Variants in BRCA2 observed in about 807,000 individuals in gnomAD.
The protein encoded by BRCA2 is breast cancer type 2 susceptibility protein.
Under a neutral mutation model 276.7 loss-of-function variants are expected in BRCA2, and 203 were observed. The observed-to-expected ratio is 0.73, with a 90% CI of 0.65 to 0.82. The LOEUF is 0.82. Among genes scored for constraint, BRCA2 ranks in the 40% least tolerant of loss-of-function variants. BRCA2 has a pLI of 0.00. For missense variants in BRCA2, 3,920 were observed against 3,915.0 expected, an observed-to-expected ratio of 1.00 and a Z score of -0.03; for synonymous variants, 1,289 against 1,338.4, an observed-to-expected ratio of 0.96 and a Z score of 0.81.
At chr13:32,357,654 A>G in intron 15 of BRCA2, 88 bp from the exon 16 acceptor site, 1 of 1,408,392 alleles carries the variant, frequency 7.1e-7, no homozygotes. Flanking sequence ...TGGTAAATTC[A>G]GTTTTGGTTT....
chr13:32,390,684 G>T (rs185671040), intron 24 of BRCA2, among the ~76,000 whole-genome samples: 2 of 152,202 alleles, frequency 1.3e-5, no homozygotes, highest in East Asian at 1.9e-4. Flanking sequence ...GCATTTTGTT[G>T]GTTTGGCTGT....
At chr13:32,382,624 G>A (rs567315178) in intron 24 of BRCA2, among the ~76,000 whole-genome samples, 1 of 152,312 alleles carries the variant, frequency 6.6e-6, no homozygotes, top group African/African-American at 2.4e-5. Flanking sequence ...TGGAGGGAAA[G>A]GAGGAATGAT....
At chr13:32,353,692 A>G (rs1362576620) in intron 13 of BRCA2, among the ~76,000 whole-genome samples, 1 of 152,210 alleles carries the variant, frequency 6.6e-6, no homozygotes, top group Non-Finnish European at 1.5e-5. Context: ...CCTGGTAGGA[A>G]TTCATTAAAT....
chr13:32,374,555 C>T (rs1415685235), intron 20 of BRCA2, among the ~76,000 whole-genome samples: 1 of 152,170 alleles, frequency 6.6e-6, no homozygotes, highest in Non-Finnish European at 1.5e-5. Context: ...TTCAACATTC[C>T]ACGGATCTCT....
intron 2 of BRCA2, among the ~76,000 whole-genome samples, chr13:32,316,746 G>C (rs1275134445): frequency 1.3e-5 from 2 of 152,182 alleles, no homozygotes; most frequent in African/African-American, 4.8e-5. Flanking sequence ...CCCTTGACTA[G>C]CAGTAGGAAC....
intron 24 of BRCA2, chr13:32,384,947 T>C: frequency 2.8e-6 from 1 of 356,710 alleles, no homozygotes; most frequent in Non-Finnish European, 5.4e-6. Flanking sequence ...AGAAGCCTGG[T>C]AACCTGGGGC....
intron 10 of BRCA2, among the ~76,000 whole-genome samples, chr13:32,335,039 A>G (rs553244874): frequency 6.6e-6 from 1 of 152,180 alleles, no homozygotes; most frequent in Non-Finnish European, 1.5e-5. Context: ...ATCATAGTTA[A>G]AGCCAATGAA....
At chr13:32,358,426 A>C (rs1320377411) in intron 16 of BRCA2, among the ~76,000 whole-genome samples, 5 of 150,982 alleles carry the variant, frequency 3.3e-5, no homozygotes, top group Non-Finnish European at 7.4e-5. Flanking sequence ...CAGTGAGCCA[A>C]GATTGAGCCA....
chr13:32,348,257 G>C (rs1381729026), intron 13 of BRCA2, among the ~76,000 whole-genome samples: 1 of 150,990 alleles, frequency 6.6e-6, no homozygotes, highest in Non-Finnish European at 1.5e-5. Flanking sequence ...GCACAGAAGA[G>C]AAATGAAGAA....
In BRCA2 at chr13:32,316,435, G is replaced by A. The variant is rs1799943; in HGVS notation, c.-26G>A. ...TCTGTTTTGCAGACTTATTTACCAA[G>A]CATTGGAGGAATATCGTAGGTAAAA... On this transcript the variant is annotated 5_prime_UTR_variant, in exon 2 of 27. Transcript: ENST00000380152. 0.26 allele frequency: 412,334 copies of A among 1,601,606 alleles called. 55,659 individuals are homozygous for A. The highest frequency in any genetic ancestry group is 0.42 in the East Asian group (18,761 of 44,778).
rs1131692129 is a variant in BRCA2, at chr13:32,338,543, A to G, written c.4188A>G (p.Gln1396=). The change falls in exon 11 of 27, where the codon CAA becomes CAG. Residue 1396 remains glutamine, a synonymous_variant. Transcript: ENST00000380152. The part of the protein sequence containing the change: ...DLTFLEVAKA[Q]EACHGNTSNK... ...CTTTTTTGGAAGTTGCGAAAGCTCA[A>G]GAAGCATGTCATGGTAATACTTCAA... is the stretch of plus-strand genomic sequence containing the variant. 1 of 1,603,714 alleles carries G rather than the reference A, an allele frequency of 6.2e-7. No individual in the cohort carries two copies. The highest frequency in any genetic ancestry group is 8.5e-7 in the Non-Finnish European group (1 of 1,176,246).
rs1485534075 is a variant in BRCA2, at chr13:32,354,820, T to C, written c.7008-41T>C. 5 of 1,297,676 alleles carry C rather than the reference T, an allele frequency of 3.9e-6. No individual in the cohort carries two copies. In the East Asian group the frequency reaches 6.9e-5, roughly 18 times the overall value. 80.4% of individuals were successfully genotyped at this position (1,297,676 alleles called of 1,614,324 possible). ...AGGCATATTCCTAAATATTTATATG[T>C]GTACTAGTCAATAAACTTATATATT... On this transcript the variant is annotated intron_variant, in intron 13 of 26. Transcript: ENST00000380152.
In BRCA2 at chr13:32,331,048, T is replaced by C. The variant is rs567889781; in HGVS notation, c.793+18T>C. 8.4e-6 allele frequency: 13 copies of C among 1,545,788 alleles called. No homozygotes were observed. The highest frequency in any genetic ancestry group is 1.7e-4 in the Middle Eastern group (1 of 5,922). ...AAGTCATGGTAAGTCCTCTGTTTAG[T>C]TGAACTACAGGTTTTTTTGTTGTTG... On this transcript the variant is annotated intron_variant, in intron 9 of 26. Coordinates refer to ENST00000380152, the MANE Select transcript of BRCA2 (RefSeq NM_000059.4).
At chr13:32,350,890 G>A (rs761926217) in intron 13 of BRCA2, among the ~76,000 whole-genome samples, 3 of 152,178 alleles carry the variant, frequency 2.0e-5, no homozygotes, top group Non-Finnish European at 2.9e-5. Context: ...CTTCTGGGTC[G>A]TGTGGGGACT....
At chr13:32,343,343 T>TA (rs1004429209) in intron 11 of BRCA2, among the ~76,000 whole-genome samples, 3 of 152,124 alleles carry the variant, frequency 2.0e-5, no homozygotes, top group African/African-American at 4.8e-5. Context: ...AGTTCCTTTT[T>TA]AAAAAACCTA....
At chr13:32,372,183 A>G (rs989878693) in intron 20 of BRCA2, among the ~76,000 whole-genome samples, 12 of 152,226 alleles carry the variant, frequency 7.9e-5, no homozygotes, top group African/African-American at 2.2e-4. Flanking sequence ...AGTCAATTCT[A>G]TCAAACTCTG....
At chr13:32,365,109 CTTTTTTTTTTTTTTTT>C (rs57551462) in intron 18 of BRCA2, among the ~76,000 whole-genome samples, 5 of 64,460 alleles carry the variant, frequency 7.8e-5, no homozygotes, top group African/African-American at 3.2e-4. Flanking sequence ...GCAGTGCATT[CTTTTTTTTTTTTTTTT>C]TTTTTTTTTT....
At chr13:32,381,667 TC>T (rs1228391582) in intron 24 of BRCA2, among the ~76,000 whole-genome samples, 4 of 152,120 alleles carry the variant, frequency 2.6e-5, no homozygotes, top group South Asian at 2.1e-4. Flanking sequence ...GACTGTAACT[TC>T]CTGTGATGAC....
chr13:32,352,037 G>A (rs1191239023), intron 13 of BRCA2, among the ~76,000 whole-genome samples: 2 of 152,016 alleles, frequency 1.3e-5, no homozygotes, highest in East Asian at 1.9e-4. Context: ...TCCTGACCTC[G>A]TGATCCGCCC....
Sources: gnomAD v4.1 joint callset for allele counts (sites outside exome capture counted in the v4.1 genomes callset) on GRCh38, gnomAD v4.1.1 for gene constraint, MANE v1.5 for transcripts, NCBI Gene and HGNC (gene_info 2026-07-23, HGNC 2026-07-21) for gene names.